Variants in PAPOLA observed in about 807,000 individuals in gnomAD.
PAPOLA encodes poly(A) polymerase alpha, also known as polynucleotide adenylyltransferase alpha.
A neutral mutation model predicts 100.6 loss-of-function variants in PAPOLA; 15 were observed. The observed-to-expected ratio is 0.15, with a 90% CI of 0.10 to 0.23. The LOEUF is 0.23. Ranked by LOEUF, PAPOLA falls within the 10% of genes least tolerant of loss-of-function variation. PAPOLA has a pLI of 1.00. For synonymous variants in PAPOLA, 293 were observed against 300.0 expected, an observed-to-expected ratio of 0.98 and a Z score of 0.24; for missense variants, 533 against 884.2, an observed-to-expected ratio of 0.60 and a Z score of 5.04.
intron 6 of PAPOLA, among the ~76,000 whole-genome samples, chr14:96,528,998 CT>C (rs145245752): frequency 3.8e-4 from 57 of 151,842 alleles, no homozygotes; most frequent in African/African-American, 1.2e-3. Flanking sequence ...ACAAAGAGGA[CT>C]TTTTTTTGGA....
At chr14:96,505,559 C>G (rs1896650893) in intron 1 of PAPOLA, among the ~76,000 whole-genome samples, 1 of 152,068 alleles carries the variant, frequency 6.6e-6, no homozygotes, top group Non-Finnish European at 1.5e-5. Flanking sequence ...AAGGTTTAGG[C>G]GAGACAATAG....
intron 16 of PAPOLA, 21 bp downstream of exon 16, chr14:96,547,939 C>A (rs1285195525): frequency 6.3e-7 from 1 of 1,578,560 alleles, no homozygotes; most frequent in Non-Finnish European, 8.6e-7. Context: ...AAAGTACTTA[C>A]AAAAGCATTA....
At chr14:96,533,597 C>G (rs1899249702) in intron 9 of PAPOLA, 1 of 853,666 alleles carries the variant, frequency 1.2e-6, no homozygotes, top group Non-Finnish European at 1.4e-6. Flanking sequence ...CTCTGTCACC[C>G]AGGCTGGAGT....
chr14:96,551,798 T>A (rs1900868341), intron 16 of PAPOLA, among the ~76,000 whole-genome samples: 1 of 152,230 alleles, frequency 6.6e-6, no homozygotes, highest in Non-Finnish European at 1.5e-5. Context: ...TGGGGTGCTT[T>A]GATTTTTAAG....
At chr14:96,553,819 A>G (rs1901063829) in intron 17 of PAPOLA, among the ~76,000 whole-genome samples, 1 of 152,176 alleles carries the variant, frequency 6.6e-6, no homozygotes, top group Admixed American at 6.5e-5. Flanking sequence ...GGCCTGTATT[A>G]CAATTTAACC....
chr14:96,504,746 A>C (rs1896594775), intron 1 of PAPOLA: 1 of 152,208 alleles, frequency 6.6e-6, no homozygotes, highest in African/African-American at 2.4e-5. Context: ...AGACCAAAGA[A>C]TGCCTAGTTA....
At chr14:96,559,102 T>C (rs1317872501) in intron 19 of PAPOLA, among the ~76,000 whole-genome samples, 1 of 151,874 alleles carries the variant, frequency 6.6e-6, no homozygotes, top group Non-Finnish European at 1.5e-5. Context: ...AACTATAGCA[T>C]TTTAAGAAGA....
At chr14:96,518,121 T>G (rs1250051864) in intron 1 of PAPOLA, among the ~76,000 whole-genome samples, 2 of 152,216 alleles carry the variant, frequency 1.3e-5, no homozygotes, top group East Asian at 1.9e-4. Flanking sequence ...CTGCAAGAGA[T>G]AAATCTGATT....
chr14:96,547,799 T>C lies in PAPOLA; in HGVS notation c.1402T>C (p.Tyr468His), dbSNP rs1471698239. The C allele has an allele frequency of 1.2e-6, 2 of 1,604,668 alleles. No individual in the cohort carries two copies. The highest frequency in any genetic ancestry group is 1.7e-6 in the Non-Finnish European group (2 of 1,175,666). ...YDIQSFTDTVYRQAINSKMFE... is the reference protein window; with the variant it reads ...YDIQSFTDTVHRQAINSKMFE... ...GTAACAATTTCCTAATTGTATAGTT[T>C]ATAGGCAAGCAATAAACAGCAAGAT... The change falls in exon 16 of 22, where the codon TAT (tyrosine) becomes CAT (histidine). Residue 468 changes from tyrosine to histidine, a missense_variant and splice_region_variant. Physicochemically the swap from Tyr to His is moderately conservative, Grantham distance 83. Transcript: ENST00000216277.
chr14:96,509,882 C>T (rs574163124), intron 1 of PAPOLA, among the ~76,000 whole-genome samples: 1 of 151,786 alleles, frequency 6.6e-6, no homozygotes, highest in East Asian at 1.9e-4. Flanking sequence ...GCTTTATTTG[C>T]ATATATATTC....
chr14:96,513,929 C>G (rs962727814), intron 1 of PAPOLA, among the ~76,000 whole-genome samples: 2 of 152,120 alleles, frequency 1.3e-5, no homozygotes, highest in African/African-American at 2.4e-5. Context: ...TCTTGCTTGA[C>G]TAAGGCTCTG....
chr14:96,537,231 A>G, intron 12 of PAPOLA, 171 bp downstream of exon 12: 3 of 578,814 alleles, frequency 5.2e-6, no homozygotes, highest in Admixed American at 6.0e-5. Context: ...TGAGGTAATG[A>G]ATGTGAAGCC....
rs972194141 is a variant in PAPOLA at position 96,535,280 on chromosome 14, T to G, written c.910-599T>G. On this transcript the variant is annotated intron_variant, in intron 10 of 21. Transcript: ENST00000216277. ...TACATCAAGCTATGCATTTTCAGGTTTTCCGAACCTCAAGGCATTTACTTT... is the reference window on the plus strand; with the variant it reads ...TACATCAAGCTATGCATTTTCAGGTGTTCCGAACCTCAAGGCATTTACTTT... The G allele has an allele frequency of 7.1e-6, 7 of 981,810 alleles. No individual in the cohort carries two copies. The African/African-American group carries it at 1.2e-4, about 17-fold the overall frequency. 60.8% of individuals were successfully genotyped at this position (981,810 alleles called of 1,614,324 possible).
At chr14:96,525,746 C>T (rs1051662599) in intron 4 of PAPOLA, among the ~76,000 whole-genome samples, 7 of 151,976 alleles carry the variant, frequency 4.6e-5, no homozygotes, top group Non-Finnish European at 7.4e-5. Context: ...AACAAGACCC[C>T]GTCTCAAGAA....
intron 16 of PAPOLA, among the ~76,000 whole-genome samples, chr14:96,552,189 A>G (rs1453220415): frequency 3.9e-5 from 6 of 152,254 alleles, no homozygotes; most frequent in South Asian, 4.1e-4. Context: ...TTTATATTAT[A>G]GTGTTTTTAA....
chr14:96,505,222 G>T (rs1241721426), intron 1 of PAPOLA, among the ~76,000 whole-genome samples: 1 of 152,140 alleles, frequency 6.6e-6, no homozygotes, highest in East Asian at 1.9e-4. Flanking sequence ...TAGTTTAACA[G>T]CAGCCTTAGC....
chr14:96,525,420 GGGACC>G, intron 4 of PAPOLA, 29 bp downstream of exon 4: 2 of 932,084 alleles, frequency 2.1e-6, no homozygotes, highest in Non-Finnish European at 3.4e-6. Flanking sequence ...TTCTTAGAAA[GGGACC>G]CTTTAGTTCT....
intron 20 of PAPOLA, 27 bp downstream of exon 20, chr14:96,560,738 A>G (rs1028245075): frequency 2.3e-6 from 3 of 1,329,048 alleles, no homozygotes; most frequent in Admixed American, 3.5e-5. Flanking sequence ...TTTAGAATAC[A>G]TACACAATTA....
intron 3 of PAPOLA, among the ~76,000 whole-genome samples, chr14:96,524,555 A>G (rs2140266578): frequency 6.7e-6 from 1 of 148,524 alleles, no homozygotes; most frequent in East Asian, 2.0e-4. Context: ...ACAGGGTCTG[A>G]CTGTCGCCCA....
Sources: allele counts gnomAD v4.1 joint callset (sites outside exome capture counted in the v4.1 genomes callset), GRCh38; gene constraint gnomAD v4.1.1; transcripts MANE v1.5; gene names NCBI Gene and HGNC (gene_info 2026-07-23, HGNC 2026-07-21).